The following KRT8 variants were observed in gnomAD, a reference collection of about 807,000 sequenced individuals.
KRT8 encodes the protein keratin, type II cytoskeletal 8.
Under a neutral mutation model 43.0 loss-of-function variants are expected in KRT8, and 24 were observed. The observed-to-expected ratio is 0.56, with a 90% CI of 0.40 to 0.78. The LOEUF (loss-of-function observed/expected upper bound fraction) is 0.78, where lower values mean the gene tolerates loss of function less well. Ranked by LOEUF, KRT8 falls within the 30% of genes least tolerant of loss-of-function variation. The pLI is 0.00. For synonymous variants in KRT8, 214 were observed against 261.2 expected, an observed-to-expected ratio of 0.82 and a Z score of 1.74; for missense variants, 492 against 638.4, an observed-to-expected ratio of 0.77 and a Z score of 2.47.
At chr12:52,920,251 C>T (rs570629998) in intron 2 of KRT8, among the ~76,000 whole-genome samples, 1 of 152,292 alleles carries the variant, frequency 6.6e-6, no homozygotes, top group Admixed American at 6.5e-5. Flanking sequence ...ATCTGTACTA[C>T]CTCTCCTACA....
At chr12:52,916,331 G>T (rs1941739702) in intron 2 of KRT8, among the ~76,000 whole-genome samples, 1 of 152,188 alleles carries the variant, frequency 6.6e-6, no homozygotes, top group Admixed American at 6.5e-5. Context: ...AGGAAGATAG[G>T]GATGGACTCA....
At chr12:52,941,795 C>T (rs115926204) in intron 2 of KRT8, among the ~76,000 whole-genome samples, 13,169 of 151,936 alleles carry the variant, frequency 0.087, 1,848 homozygotes, top group African/African-American at 0.3. Context: ...GCTTTTTACT[C>T]ACTTTTTGAA....
At chr12:52,944,636 C>G (rs1478371533) in intron 2 of KRT8, among the ~76,000 whole-genome samples, 1 of 152,206 alleles carries the variant, frequency 6.6e-6, no homozygotes, top group African/African-American at 2.4e-5. Flanking sequence ...CCCGACTTCT[C>G]TGAGCTTCAG....
At chr12:52,915,541 G>A (rs957975093) in intron 2 of KRT8, among the ~76,000 whole-genome samples, 3 of 151,480 alleles carry the variant, frequency 2.0e-5, no homozygotes, top group African/African-American at 7.3e-5. Flanking sequence ...AACCCCATCT[G>A]TACTAAAAAT....
At chr12:52,918,205 CAAG>C (rs371624304) in intron 2 of KRT8, among the ~76,000 whole-genome samples, 6,569 of 116,812 alleles carry the variant, frequency 0.056, 436 homozygotes, top group Non-Finnish European at 0.072. Flanking sequence ...AGAAGAAGAA[CAAG>C]AAGAAGAAGA....
intron 2 of KRT8, among the ~76,000 whole-genome samples, chr12:52,931,515 T>C (rs1942083352): frequency 6.6e-6 from 1 of 152,130 alleles, no homozygotes; most frequent in African/African-American, 2.4e-5. Flanking sequence ...ATGTTCCCAA[T>C]CATAGCTGGT....
chr12:52,910,694 G>A (rs1941618820), upstream of KRT8, among the ~76,000 whole-genome samples: 1 of 152,206 alleles, frequency 6.6e-6, no homozygotes, highest in Admixed American at 6.5e-5. Flanking sequence ...TCAGGCAACC[G>A]GACAGGAGTG....
chr12:52,932,822 C>G (rs1283276725), intron 2 of KRT8, among the ~76,000 whole-genome samples: 2 of 151,706 alleles, frequency 1.3e-5, no homozygotes, highest in African/African-American at 4.8e-5. Flanking sequence ...AAAACAAAAA[C>G]AAAAAAATCC....
At chr12:52,925,992 C>T (rs888470810) in intron 2 of KRT8, among the ~76,000 whole-genome samples, 1 of 152,118 alleles carries the variant, frequency 6.6e-6, no homozygotes, top group Admixed American at 6.5e-5. Context: ...CCCCACCTCC[C>T]TTTCAAGCTC....
intron 2 of KRT8, among the ~76,000 whole-genome samples, chr12:52,946,400 A>G (rs1942344376): frequency 1.3e-5 from 2 of 152,104 alleles, no homozygotes; most frequent in Admixed American, 6.6e-5. Flanking sequence ...AGTACAAATA[A>G]TTAGTATTTG....
intron 2 of KRT8, among the ~76,000 whole-genome samples, chr12:52,940,622 T>G (rs1248367440): frequency 7.8e-6 from 1 of 128,108 alleles, no homozygotes; most frequent in Non-Finnish European, 1.6e-5. Context: ...AAGAACACAG[T>G]GGATTTTTTT....
intron 2 of KRT8, among the ~76,000 whole-genome samples, chr12:52,926,144 G>GC (rs965707751): frequency 2.5e-5 from 3 of 121,462 alleles, no homozygotes; most frequent in Non-Finnish European, 5.3e-5. Flanking sequence ...GTGTGTCCCT[G>GC]CCCCCCGCCC....
chr12:52,931,502 G>C (rs1205223907), intron 2 of KRT8, among the ~76,000 whole-genome samples: 1 of 152,092 alleles, frequency 6.6e-6, no homozygotes, highest in Non-Finnish European at 1.5e-5. Context: ...CTGCATTCAT[G>C]ACATGTTCCC....
chr12:52,906,352 G>A (rs1047912386), upstream of KRT8, among the ~76,000 whole-genome samples: 6 of 152,182 alleles, frequency 3.9e-5, no homozygotes, highest in African/African-American at 1.2e-4. Context: ...TGGGAAGTGA[G>A]ACAGGACGGC....
At chr12:52,915,984 G>T (rs1420789484) in intron 2 of KRT8, among the ~76,000 whole-genome samples, 1 of 152,186 alleles carries the variant, frequency 6.6e-6, no homozygotes, top group African/African-American at 2.4e-5. Context: ...GGGAAGGAGA[G>T]AGCCCTTAGA....
intron 2 of KRT8, chr12:52,946,720 C>G (rs140667638): frequency 1.3e-5 from 2 of 152,214 alleles, no homozygotes; most frequent in African/African-American, 4.8e-5. Flanking sequence ...CTGACTGGAA[C>G]CTCTTACCTC....
At chr12:52,926,332 G>GCCCAA in intron 2 of KRT8, 3 of 600,276 alleles carry the variant, frequency 5.0e-6, no homozygotes, top group Non-Finnish European at 3.0e-6. Flanking sequence ...GGCACTAGCT[G>GCCCAA]CCCTCCCCAC....
Position 52,901,809 on chromosome 12 carries a change from A to G in KRT8, c.533+55T>C. The G allele has an allele frequency of 2.4e-6, 3 of 1,243,748 alleles. No homozygotes were observed. The Admixed American group carries it at 5.0e-5, about 21-fold the overall frequency. 77.0% of individuals were successfully genotyped at this position (1,243,748 alleles called of 1,614,324 possible). A position where few individuals can be genotyped will look rare whatever the true frequency, so the allele number is the denominator to read the frequency against. ...ATGGGGACTTAGTCCCAAGGTCCCA[A>G]GGGGTGGAGGAGAGCACGGTGACTT... On this transcript the variant is annotated intron_variant, in intron 2 of 7. Coordinates refer to ENST00000692008, the Ensembl canonical transcript of KRT8.
chr12:52,902,360 T>C (rs1941393170), intron 1 of KRT8, among the ~76,000 whole-genome samples: 2 of 152,168 alleles, frequency 1.3e-5, no homozygotes, highest in African/African-American at 2.4e-5. Context: ...TTCATTTACA[T>C]AGGTTGTATA....
Sources: gnomAD v4.1 joint callset for allele counts (sites outside exome capture counted in the v4.1 genomes callset) on GRCh38, gnomAD v4.1.1 for gene constraint, MANE v1.5 for transcripts, NCBI Gene and HGNC (gene_info 2026-07-23, HGNC 2026-07-21) for gene names.